FLNB: variants seen among roughly 807,000 people sequenced by gnomAD.
FLNB encodes the protein filamin-B.
Under a neutral mutation model 250.6 loss-of-function variants are expected in FLNB, and 111 were observed. The observed-to-expected ratio is 0.44, with a 90% CI of 0.38 to 0.52. The LOEUF is 0.52. FLNB is among the 20% of genes least tolerant of loss of function. FLNB has a pLI of 0.00. For synonymous variants in FLNB, 1,302 were observed against 1,372.1 expected (o/e 0.95, Z 1.13); for missense variants, 2,869 against 3,447.8 (o/e 0.83, Z 4.20).
At chr3:58,048,118 G>A (rs964667663) in intron 1 of FLNB, among the ~76,000 whole-genome samples, 2 of 152,024 alleles carry the variant, frequency 1.3e-5, no homozygotes, top group African/African-American at 2.4e-5. Context: ...AAAAAAAATG[G>A]CATTTTTTGG....
In FLNB at chr3:58,168,535, C is replaced by T; in HGVS notation, c.7294C>T (p.Gln2432Ter). 6.2e-7 allele frequency: 1 copy of T among 1,614,144 alleles called. No homozygotes were observed. The highest frequency in any genetic ancestry group is 1.1e-5 in the South Asian group (1 of 91,088). The change falls in exon 44 of 46, where the codon CAG becomes TAG. Residue 2432 changes from glutamine (Q) to a stop codon, truncating the protein, a stop_gained. Coordinates refer to ENST00000295956, the MANE Select transcript of FLNB (RefSeq NM_001457.4). LOFTEE classifies it high-confidence loss of function. The stretch of plus-strand genomic sequence containing the variant: ...CCCATCCAAGGTTAAAATGGATTGC[C>T]AGGAAACACCTGAAGGGTACAAAGT... ...EGPSKVKMDC[Q>*]ETPEGYKVMY...
rs371715057 is a variant in FLNB at position 58,081,751 on chromosome 3, G to A, written c.762G>A (p.Pro254=). 5.9e-5 allele frequency: 96 copies of A among 1,613,956 alleles called. No individual in the cohort carries two copies. Among genetic ancestry groups the A allele is most frequent in the African/African-American group, 8.0e-5 (6 of 74,892 alleles). Residue 254 remains proline (P), a synonymous_variant, in exon 4 of 46, where the codon CCG becomes CCA. Coordinates refer to ENST00000295956, the MANE Select transcript of FLNB (RefSeq NM_001457.4). ...PGAPLKPKLN[P]KKARAYGRGI... is the part of the protein sequence containing the mutation. ...CTCCTCTCAAACCCAAACTCAACCC[G>A]AAGAAAGCCAGGGCCTATGGCAGAG... is the stretch of plus-strand genomic sequence containing the variant.
chr3:58,041,113 A>G (rs1046259547), intron 1 of FLNB, among the ~76,000 whole-genome samples: 2 of 152,184 alleles, frequency 1.3e-5, no homozygotes, highest in South Asian at 4.1e-4. Flanking sequence ...ACGGTCACCT[A>G]GCTGGCAAGC....
Position 58,154,782 on chromosome 3 carries a change from T to C in FLNB, c.6635-9T>C, listed in dbSNP as rs1319137217. ...CTCAGTCACTAACCAGGTTTCTCTT[T>C]GCTCTCAGCTGAGTTCAGCATTTGG... On this transcript the variant is annotated splice_polypyrimidine_tract_variant and intron_variant, in intron 39 of 45. Coordinates refer to ENST00000295956, the MANE Select transcript of FLNB (RefSeq NM_001457.4). The C allele has an allele frequency of 3.1e-6, 5 of 1,613,824 alleles. No individual in the cohort carries two copies. The highest frequency in any genetic ancestry group is 1.7e-5 in the Admixed American group (1 of 60,010).
At chr3:58,138,222 T>C in intron 28 of FLNB, 60 bp from the exon 29 acceptor site, 2 of 1,610,488 alleles carry the variant, frequency 1.2e-6, no homozygotes, top group African/African-American at 1.3e-5. Context: ...TATGATTTGT[T>C]CTTGGGCCTC....
chr3:58,155,512 A>G (rs1446966110), intron 40 of FLNB, among the ~76,000 whole-genome samples: 1 of 152,262 alleles, frequency 6.6e-6, no homozygotes, highest in Non-Finnish European at 1.5e-5. Context: ...CTGTCATCAA[A>G]GTGACAAAGT....
chr3:58,136,127 G>A lies in FLNB; in HGVS notation c.4820G>A (p.Arg1607Gln), dbSNP rs774105587. 1.4e-4 allele frequency: 221 copies of A among 1,614,046 alleles called. 4 individuals are homozygous for A. In the South Asian group the frequency reaches 2.2e-3, roughly 16 times the overall value. ...ATCCCACTTTCTCCTTATCGCATCC[G>A]AGCCACACAGACGGGTGATGCCAGC... Reference protein sequence around the residue: ...DDIPLSPYRIRATQTGDASKC... With the variant: ...DDIPLSPYRIQATQTGDASKC... Residue 1607 changes from arginine to glutamine, a missense_variant, in exon 28 of 46, where the codon CGA becomes CAA. By Grantham distance (43) the Arg-to-Gln change is conservative (BLOSUM62 1). Transcript: ENST00000295956.
At chr3:58,163,891 G>A (rs999329693) in intron 43 of FLNB, 1 of 155,434 alleles carries the variant, frequency 6.4e-6, no homozygotes, top group East Asian at 1.9e-4. Flanking sequence ...CTTTGCCACA[G>A]ATGGGACATG....
chr3:58,081,557 G>C, intron 3 of FLNB, 72 bp from the exon 4 acceptor site: 6 of 1,407,046 alleles, frequency 4.3e-6, no homozygotes, highest in Non-Finnish European at 5.0e-6. Context: ...TGGTTTAAGA[G>C]GCATTTGCAA....
chr3:58,113,455 A>C (rs74695466), intron 18 of FLNB, among the ~76,000 whole-genome samples: 4,190 of 152,262 alleles, frequency 0.028, 193 homozygotes, highest in African/African-American at 0.095. Flanking sequence ...AGCAGTCAAG[A>C]GTCAAGTGGG....
intron 1 of FLNB, among the ~76,000 whole-genome samples, chr3:58,015,796 G>A (rs1242621317): frequency 6.6e-6 from 1 of 152,202 alleles, no homozygotes; most frequent in Non-Finnish European, 1.5e-5. Flanking sequence ...CAAGCCCTCT[G>A]AAAAGGAGGA....
intron 8 of FLNB, among the ~76,000 whole-genome samples, chr3:58,100,916 G>A (rs991344650): frequency 6.6e-6 from 1 of 150,906 alleles, no homozygotes; most frequent in African/African-American, 2.4e-5. Flanking sequence ...TCTTTTTTTT[G>A]TAGAGGTGGG....
At chr3:58,152,875 G>T in intron 38 of FLNB, 1 of 499,298 alleles carries the variant, frequency 2.0e-6, no homozygotes, top group Non-Finnish European at 3.3e-6. Flanking sequence ...CACGGAGAGT[G>T]ATGTGGTCTT....
intron 45 of FLNB, 130 bp from the exon 46 acceptor site, chr3:58,170,445 C>A: frequency 1.2e-6 from 1 of 807,242 alleles, no homozygotes; most frequent in Admixed American, 2.0e-5. Context: ...CTTGTAATTG[C>A]CACGCTCTCC....
At chr3:58,161,097 A>T (rs2097360860) in intron 42 of FLNB, among the ~76,000 whole-genome samples, 1 of 152,198 alleles carries the variant, frequency 6.6e-6, no homozygotes, top group Admixed American at 6.5e-5. Flanking sequence ...ATGGGGTCAG[A>T]TCCTGGTTTT....
At chr3:58,109,060 C>T (rs1320676642) in intron 13 of FLNB, 119 bp from the exon 14 acceptor site, 1 of 1,133,120 alleles carries the variant, frequency 8.8e-7, no homozygotes, top group Non-Finnish European at 1.3e-6. Context: ...TGTAGTTGGT[C>T]CATGAAGTTT....
chr3:58,017,840 A>G (rs1336788102), intron 1 of FLNB, among the ~76,000 whole-genome samples: 1 of 152,228 alleles, frequency 6.6e-6, no homozygotes, highest in Non-Finnish European at 1.5e-5. Context: ...CTATAAGCAA[A>G]GAAGCAGTTT....
chr3:58,149,822 A>G, intron 36 of FLNB, 28 bp from the exon 37 acceptor site: 1 of 1,614,204 alleles, frequency 6.2e-7, no homozygotes, highest in Admixed American at 1.7e-5. Context: ...AGCTGCTGTC[A>G]GAACAGCCTG....
At chr3:58,067,110 C>T (rs188810453) in intron 1 of FLNB, among the ~76,000 whole-genome samples, 2 of 152,272 alleles carry the variant, frequency 1.3e-5, no homozygotes, top group African/African-American at 4.8e-5. Context: ...ATGCCATGCC[C>T]AGGGCAGGCA....
Sources: allele counts gnomAD v4.1 joint callset (sites outside exome capture counted in the v4.1 genomes callset), GRCh38; gene constraint gnomAD v4.1.1; transcripts MANE v1.5; gene names NCBI Gene and HGNC (gene_info 2026-07-23, HGNC 2026-07-21).